PHLDB2: variants seen among roughly 807,000 people sequenced by gnomAD.
PHLDB2 encodes pleckstrin homology like domain family B member 2.
In PHLDB2, 71 loss-of-function variants were observed where a neutral mutation model predicts 123.6. That is an observed-to-expected ratio of 0.57 (90% CI 0.47 to 0.70). PHLDB2 has a LOEUF of 0.70. Ranked by LOEUF, PHLDB2 falls within the 30% of genes least tolerant of loss-of-function variation. PHLDB2 has a pLI of 0.00. For missense variants in PHLDB2, 1,446 were observed against 1,519.5 expected (o/e 0.95, Z 0.80); for synonymous variants, 547 against 541.6 (o/e 1.01, Z -0.14).
intron 5 of PHLDB2, among the ~76,000 whole-genome samples, chr3:111,927,252 C>A (rs943380032): frequency 1.3e-5 from 2 of 151,440 alleles, no homozygotes; most frequent in Non-Finnish European, 2.9e-5. Context: ...ACTGGCCAGG[C>A]GTGGAGACTC....
At chr3:111,921,539 A>G (rs1207002834) in intron 5 of PHLDB2, among the ~76,000 whole-genome samples, 1 of 152,002 alleles carries the variant, frequency 6.6e-6, no homozygotes, top group Non-Finnish European at 1.5e-5. Context: ...GGTTACCAGC[A>G]TGTCAGAATT....
At chr3:111,959,833 T>C (rs2107657805) in intron 12 of PHLDB2, among the ~76,000 whole-genome samples, 1 of 152,312 alleles carries the variant, frequency 6.6e-6, no homozygotes, top group East Asian at 1.9e-4. Context: ...TTTTCCAAGA[T>C]GGTGGTAATT....
chr3:111,919,141 A>C lies in PHLDB2; in HGVS notation c.1789A>C (p.Ile597Leu). 1 of 1,614,070 alleles carries C rather than the reference A, an allele frequency of 6.2e-7. No individual in the cohort carries two copies. The highest frequency in any genetic ancestry group is 1.7e-5 in the Admixed American group (1 of 60,028). The change falls in exon 4 of 18, where the codon ATT becomes CTT. Residue 597 changes from isoleucine to leucine, a missense_variant. Physicochemically the swap from Ile to Leu is conservative, Grantham distance 5. This residue lies in a region of PHLDB2 where 832 missense variants were observed against 831.9 expected (regional missense o/e 1.00). Coordinates refer to ENST00000431670, the MANE Select transcript of PHLDB2 (RefSeq NM_001134438.2). ...LAAMEETRIV[I>L]LNNLEELKQK... Reference sequence around the variant, plus strand: ...TGCAATGGAAGAAACCCGGATAGTCATTCTGAACAACCTCGAGGAACTTAA... The same window carrying C: ...TGCAATGGAAGAAACCCGGATAGTCCTTCTGAACAACCTCGAGGAACTTAA...
rs1178871631 is a variant in PHLDB2, at chr3:111,885,382, A to C, written c.1305A>C (p.Glu435Asp). 1 of 1,614,152 alleles carries C rather than the reference A, an allele frequency of 6.2e-7. No individual in the cohort carries two copies. The highest frequency in any genetic ancestry group is 8.5e-7 in the Non-Finnish European group (1 of 1,180,026). Reference protein sequence around the residue: ...LMDYHRRQREERLREQEMERL... With the variant: ...LMDYHRRQREDRLREQEMERL... ...ATTATCACCGGCGGCAGAGGGAGGAAAGACTCAGGGAGCAGGAAATGGAGC... is the reference window on the plus strand; with the variant it reads ...ATTATCACCGGCGGCAGAGGGAGGACAGACTCAGGGAGCAGGAAATGGAGC... The change falls in exon 2 of 18, where the codon GAA (glutamate) becomes GAC (aspartate). Residue 435 changes from glutamate to aspartate, a missense_variant. By Grantham distance (45) the Glu-to-Asp change is conservative (BLOSUM62 2). Around this residue, in one of 3 missense-constraint regions of PHLDB2, gnomAD observed 832 missense variants for 831.9 expected, o/e 1.00. Coordinates refer to ENST00000431670, the MANE Select transcript of PHLDB2 (RefSeq NM_001134438.2).
intron 1 of PHLDB2, among the ~76,000 whole-genome samples, chr3:111,766,443 CAAA>C (rs11391498): frequency 5.3e-5 from 6 of 112,416 alleles, no homozygotes; most frequent in Admixed American, 9.0e-5. Context: ...GACTCTGTCT[CAAA>C]AAAAAAAAAA....
intron 1 of PHLDB2, among the ~76,000 whole-genome samples, chr3:111,747,196 G>T (rs1390201321): frequency 6.6e-6 from 1 of 152,032 alleles, no homozygotes; most frequent in Non-Finnish European, 1.5e-5. Context: ...AAAATATGTA[G>T]CATAGCAAGC....
chr3:111,895,873 C>CCATCTATCTATCTATCTATCT (rs1553746643), intron 2 of PHLDB2, among the ~76,000 whole-genome samples: 3 of 148,606 alleles, frequency 2.0e-5, no homozygotes, highest in African/African-American at 5.0e-5. Flanking sequence ...TCTATCTATC[C>CCATCTATCTATCTATCTATCT]ATCTATCTAT....
At chr3:111,971,950 TGA>T (rs756698482) in intron 16 of PHLDB2, among the ~76,000 whole-genome samples, 32 of 152,222 alleles carry the variant, frequency 2.1e-4, no homozygotes, top group Non-Finnish European at 4.0e-4. Flanking sequence ...GGCATAATAC[TGA>T]GAGAGACAGA....
At chr3:111,857,683 C>T (rs111987622), upstream of PHLDB2, among the ~76,000 whole-genome samples, 232 of 152,112 alleles carry the variant, frequency 1.5e-3, no homozygotes, top group African/African-American at 5.3e-3. Context: ...ACCCGGCATT[C>T]CTAACAAACA....
rs768596993 is a variant in PHLDB2, at chr3:111,885,093, G to A, written c.1016G>A (p.Arg339Gln). Reference sequence around the variant, plus strand: ...GTCCCTGCCAGTCCACGAGTGGCTCGGAAGATGCTTCTGGCCTCCACCTCC... The same window carrying A: ...GTCCCTGCCAGTCCACGAGTGGCTCAGAAGATGCTTCTGGCCTCCACCTCC... Reference protein sequence around the residue: ...LSVPASPRVARKMLLASTSSC... With the variant: ...LSVPASPRVAQKMLLASTSSC... The change falls in exon 2 of 18, where the codon CGG (arginine) becomes CAG (glutamine). Residue 339 changes from arginine to glutamine, a missense_variant. Physicochemically the swap from Arg to Gln is conservative, Grantham distance 43. Coordinates refer to ENST00000431670, the MANE Select transcript of PHLDB2 (RefSeq NM_001134438.2). 9.9e-6 allele frequency: 16 copies of A among 1,613,890 alleles called. No homozygotes were observed. Among genetic ancestry groups the A allele is most frequent in the South Asian group, 3.3e-5 (3 of 91,080 alleles).
intron 1 of PHLDB2, among the ~76,000 whole-genome samples, chr3:111,842,504 A>G (rs1174883991): frequency 6.6e-6 from 1 of 152,174 alleles, no homozygotes; most frequent in African/African-American, 2.4e-5. Flanking sequence ...GTTTAGACAA[A>G]TATATAATAA....
chr3:111,845,303 C>G (rs1402691348), intron 1 of PHLDB2, among the ~76,000 whole-genome samples: 1 of 120,580 alleles, frequency 8.3e-6, no homozygotes, highest in African/African-American at 3.2e-5. Context: ...TGCAGTGAGC[C>G]AAGATCACGC....
intron 2 of PHLDB2, among the ~76,000 whole-genome samples, chr3:111,889,422 C>T (rs749944714): frequency 6.6e-6 from 1 of 151,576 alleles, no homozygotes; most frequent in Non-Finnish European, 1.5e-5. Flanking sequence ...CACAGTTAGG[C>T]TGGGTGAGGT....
chr3:111,874,172 A>G (rs1034521358), intron 1 of PHLDB2, among the ~76,000 whole-genome samples: 2 of 151,430 alleles, frequency 1.3e-5, no homozygotes, highest in Non-Finnish European at 2.9e-5. Flanking sequence ...AATAATACCA[A>G]TCAGATTCCC....
At chr3:111,766,498 A>G (rs1479522320) in intron 1 of PHLDB2, among the ~76,000 whole-genome samples, 1 of 151,700 alleles carries the variant, frequency 6.6e-6, no homozygotes, top group Admixed American at 6.6e-5. Flanking sequence ...CAAAATTTTT[A>G]CACGTGCATA....
At chr3:111,964,977 A>G (rs889358642) in intron 13 of PHLDB2, among the ~76,000 whole-genome samples, 1 of 152,200 alleles carries the variant, frequency 6.6e-6, no homozygotes, top group African/African-American at 2.4e-5. Flanking sequence ...AAACTACACT[A>G]TAGAATATAA....
At chr3:111,842,819 T>G (rs1263878166) in intron 1 of PHLDB2, among the ~76,000 whole-genome samples, 1 of 152,240 alleles carries the variant, frequency 6.6e-6, no homozygotes, top group Non-Finnish European at 1.5e-5. Context: ...CTCTATAGAT[T>G]TAACTATTCT....
intron 3 of PHLDB2, 32 bp from the exon 4 acceptor site, chr3:111,919,040 G>A: frequency 1.2e-6 from 2 of 1,609,414 alleles, no homozygotes; most frequent in Non-Finnish European, 1.7e-6. Context: ...ACTGAGGTGT[G>A]AATAATCCAT....
At chr3:111,897,320 C>T (rs1045976352) in intron 2 of PHLDB2, among the ~76,000 whole-genome samples, 21 of 152,290 alleles carry the variant, frequency 1.4e-4, no homozygotes, top group African/African-American at 3.6e-4. Flanking sequence ...CTGTGTGTTT[C>T]GTTGGGTCCC....
Sources: gnomAD v4.1 joint callset for allele counts (sites outside exome capture counted in the v4.1 genomes callset) on GRCh38, gnomAD v4.1.1 for gene constraint, gnomAD v4.1.1 regional missense constraint, MANE v1.5 for transcripts, NCBI Gene and HGNC (gene_info 2026-07-23, HGNC 2026-07-21) for gene names.